PTPRD: variants seen among roughly 807,000 people sequenced by gnomAD.
PTPRD encodes the protein receptor-type tyrosine-protein phosphatase delta.
PTPRD carries 34 observed loss-of-function variants against 214.5 expected under a neutral mutation model. The ratio of observed to expected loss-of-function variants is 0.16; its 90% CI spans 0.12 to 0.21. The LOEUF (loss-of-function observed/expected upper bound fraction) is 0.21. Ranked by LOEUF, PTPRD falls within the 10% of genes least tolerant of loss-of-function variation. PTPRD has a pLI of 1.00. For missense variants in PTPRD, 2,545 were observed against 2,398.7 expected (o/e 1.06, Z -1.27); for synonymous variants, 1,128 against 845.7 (o/e 1.33, Z -5.79).
intron 2 of PTPRD, among the ~76,000 whole-genome samples, chr9:10,499,845 T>C (rs954004081): frequency 2.6e-5 from 4 of 151,892 alleles, no homozygotes; most frequent in Admixed American, 2.6e-4. Context: ...ATTTTATTTT[T>C]CAAGTAGTTA....
chr9:9,928,035 T>G (rs921283777), intron 5 of PTPRD, among the ~76,000 whole-genome samples: 1 of 152,288 alleles, frequency 6.6e-6, no homozygotes, highest in Non-Finnish European at 1.5e-5. Context: ...GAACTCTGCT[T>G]CATGTGAACA....
At chr9:9,613,454 A>G (rs2094656935) in intron 7 of PTPRD, among the ~76,000 whole-genome samples, 2 of 151,992 alleles carry the variant, frequency 1.3e-5, no homozygotes, top group Non-Finnish European at 2.9e-5. Flanking sequence ...TCTTTTTGCC[A>G]TCTACTTTTG....
chr9:10,172,410 T>G (rs1403384680), intron 3 of PTPRD, among the ~76,000 whole-genome samples: 7 of 152,222 alleles, frequency 4.6e-5, no homozygotes, highest in Admixed American at 4.6e-4. Context: ...ATATTATTAA[T>G]AATACAAATT....
chr9:8,534,598 C>T lies in PTPRD; in HGVS notation c.353-5819G>A, dbSNP rs144170094. Among the ~76,000 whole-genome samples, 232 of 149,546 alleles carry T rather than the reference C, an allele frequency of 1.6e-3. 3 individuals are homozygous for T. The East Asian group carries it at 0.041, about 26-fold the overall frequency. On this transcript the variant is annotated intron_variant, in intron 14 of 45. Coordinates refer to ENST00000381196, the MANE Select transcript of PTPRD (RefSeq NM_002839.4). Reference sequence around the variant, plus strand: ...AGAAAAATGATAGACGAGTAATATGCAGCGTATTTTTAAAATGACATTCCT... The same window carrying T: ...AGAAAAATGATAGACGAGTAATATGTAGCGTATTTTTAAAATGACATTCCT...
At chr9:10,358,825 C>A (rs970845021) in intron 2 of PTPRD, among the ~76,000 whole-genome samples, 1 of 151,878 alleles carries the variant, frequency 6.6e-6, no homozygotes, top group South Asian at 2.1e-4. Flanking sequence ...ATATTTTGAG[C>A]TTCACTAAGT....
At chr9:9,110,331 A>G (rs2099804290) in intron 10 of PTPRD, among the ~76,000 whole-genome samples, 1 of 152,106 alleles carries the variant, frequency 6.6e-6, no homozygotes, top group Non-Finnish European at 1.5e-5. Context: ...TGGGAGCATT[A>G]TAGATATGCA....
At chr9:8,486,878 G>T (rs1277758047) in intron 27 of PTPRD, among the ~76,000 whole-genome samples, 1 of 151,946 alleles carries the variant, frequency 6.6e-6, no homozygotes, top group African/African-American at 2.4e-5. Context: ...GCCCAGAGAG[G>T]TAGAAAACTT....
intron 11 of PTPRD, among the ~76,000 whole-genome samples, chr9:8,869,703 CT>C (rs1236901394): frequency 6.7e-6 from 1 of 149,150 alleles, no homozygotes; most frequent in East Asian, 2.0e-4. Context: ...CAGGATTTGC[CT>C]TTTTCTTTCT....
Sources: allele counts gnomAD v4.1 joint callset (sites outside exome capture counted in the v4.1 genomes callset), GRCh38; gene constraint gnomAD v4.1.1; transcripts MANE v1.5; gene names NCBI Gene and HGNC (gene_info 2026-07-23, HGNC 2026-07-21).